Variants in ATP10B observed in about 807,000 individuals in gnomAD.
ATP10B encodes ATPase phospholipid transporting 10B (putative), also known as phospholipid-transporting ATPase VB.
ATP10B carries 122 observed loss-of-function variants against 141.2 expected under a neutral mutation model. The observed-to-expected ratio is 0.86, with a 90% confidence interval of 0.75 to 1.00. The LOEUF is 1.00. Among genes scored for constraint, ATP10B ranks in the 50% least tolerant of loss-of-function variants. The pLI is 0.00. For missense variants in ATP10B, 1,876 were observed against 1,825.3 expected, an observed-to-expected ratio of 1.03 and a Z score of -0.51; for synonymous variants, 685 against 692.0, an observed-to-expected ratio of 0.99 and a Z score of 0.16.
chr5:160,742,357 C>A (rs1034746188), intron 2 of ATP10B, among the ~76,000 whole-genome samples: 1 of 151,206 alleles, frequency 6.6e-6, no homozygotes, highest in Non-Finnish European at 1.5e-5. Context: ...ACAGAAGACA[C>A]AGGAGTCCAT....
chr5:160,665,708 C>A (rs1337486088), intron 7 of ATP10B, among the ~76,000 whole-genome samples: 1 of 152,132 alleles, frequency 6.6e-6, no homozygotes, highest in Non-Finnish European at 1.5e-5. Context: ...TGAGCTGGGA[C>A]AAAGTATGTC....
At chr5:160,663,012 G>T (rs1310086416) in intron 7 of ATP10B, among the ~76,000 whole-genome samples, 25 of 152,296 alleles carry the variant, frequency 1.6e-4, no homozygotes, top group South Asian at 1.5e-3. Flanking sequence ...AGAAGACATT[G>T]ATGCAGCCAA....
intron 1 of ATP10B, among the ~76,000 whole-genome samples, chr5:160,835,701 A>C (rs1424433783): frequency 6.6e-6 from 1 of 152,104 alleles, no homozygotes; most frequent in South Asian, 2.1e-4. Flanking sequence ...TATACTGTAC[A>C]TGTTTGTATA....
chr5:160,674,050 T>C (rs1762886395), intron 6 of ATP10B, among the ~76,000 whole-genome samples: 3 of 152,190 alleles, frequency 2.0e-5, no homozygotes, highest in Admixed American at 1.3e-4. Context: ...TACTGGATAA[T>C]GCCTTTGGGG....
chr5:160,832,184 A>G (rs973673540), intron 1 of ATP10B, among the ~76,000 whole-genome samples: 3 of 152,068 alleles, frequency 2.0e-5, no homozygotes, highest in Admixed American at 2.0e-4. Flanking sequence ...AAATAAGCCA[A>G]CACCTTCAAA....
At chr5:160,899,332 T>C in the ATP10B span, among the ~76,000 whole-genome samples, 1 of 152,102 alleles carries the variant, frequency 6.6e-6, no homozygotes, top group South Asian at 2.1e-4. Context: ...TTCTAATATT[T>C]ATTAAAAATA....
the ATP10B span, among the ~76,000 whole-genome samples, chr5:160,885,282 G>A: frequency 2.0e-5 from 3 of 152,230 alleles, no homozygotes; most frequent in Non-Finnish European, 4.4e-5. Flanking sequence ...CGGATGCAAG[G>A]AGCACACTGT....
At chr5:160,784,859 A>G (rs1027042154) in intron 2 of ATP10B, among the ~76,000 whole-genome samples, 1 of 152,032 alleles carries the variant, frequency 6.6e-6, no homozygotes, top group Admixed American at 6.6e-5. Context: ...TACAATCACT[A>G]TTCTTTCTTC....
chr5:160,796,733 A>G (rs921823387), intron 1 of ATP10B, among the ~76,000 whole-genome samples: 2 of 152,116 alleles, frequency 1.3e-5, no homozygotes, highest in African/African-American at 2.4e-5. Flanking sequence ...CGTCTTGTCT[A>G]TTATAGACTC....
chr5:160,671,158 C>CT (rs2127726280), intron 6 of ATP10B, among the ~76,000 whole-genome samples: 1 of 108,000 alleles, frequency 9.3e-6, no homozygotes, highest in East Asian at 2.9e-4. Flanking sequence ...AAGCAAGACT[C>CT]TGTCTCAAAA....
the ATP10B span, among the ~76,000 whole-genome samples, chr5:160,874,903 T>G: frequency 6.9e-6 from 1 of 144,458 alleles, no homozygotes; most frequent in Non-Finnish European, 1.5e-5. Context: ...CAAATCTACA[T>G]CTGATTGGTG....
At chr5:160,655,562 A>C (rs953222667) in intron 7 of ATP10B, among the ~76,000 whole-genome samples, 1 of 152,154 alleles carries the variant, frequency 6.6e-6, no homozygotes, top group Non-Finnish European at 1.5e-5. Context: ...GTATTTTGAA[A>C]GGTGATGGGT....
intron 1 of ATP10B, among the ~76,000 whole-genome samples, chr5:160,804,303 T>C (rs757342727): frequency 6.6e-6 from 1 of 152,216 alleles, no homozygotes; most frequent in Non-Finnish European, 1.5e-5. Flanking sequence ...CATATGTGTG[T>C]ATGTGATAAA....
At chr5:160,916,561 C>T in the ATP10B span, among the ~76,000 whole-genome samples, 1 of 152,198 alleles carries the variant, frequency 6.6e-6, no homozygotes, top group African/African-American at 2.4e-5. Context: ...TTGTCCTAAG[C>T]ATCGCACATG....
intron 7 of ATP10B, among the ~76,000 whole-genome samples, chr5:160,661,780 T>G (rs992469566): frequency 2.6e-5 from 4 of 152,084 alleles, no homozygotes; most frequent in East Asian, 3.9e-4. Flanking sequence ...TCAACATAGT[T>G]TTGGAAGTTC....
At chr5:160,645,299 G>C (rs1183792392) in intron 8 of ATP10B, among the ~76,000 whole-genome samples, 1 of 152,144 alleles carries the variant, frequency 6.6e-6, no homozygotes, top group African/African-American at 2.4e-5. Flanking sequence ...TCAGCTTCTG[G>C]GGACCTGAAC....
At chr5:160,720,660 TTTC>T (rs1243535841) in intron 2 of ATP10B, among the ~76,000 whole-genome samples, 3 of 152,246 alleles carry the variant, frequency 2.0e-5, no homozygotes, top group Admixed American at 1.3e-4. Flanking sequence ...GATTCTTCTT[TTTC>T]TTCTTTTCTG....
intron 2 of ATP10B, among the ~76,000 whole-genome samples, chr5:160,721,024 A>C (rs1765960917): frequency 6.6e-6 from 1 of 152,150 alleles, no homozygotes; most frequent in Non-Finnish European, 1.5e-5. Flanking sequence ...GTTGTCATGA[A>C]GTATGTGCAT....
At chr5:160,730,290 A>C (rs1766648655) in intron 2 of ATP10B, among the ~76,000 whole-genome samples, 1 of 152,146 alleles carries the variant, frequency 6.6e-6, no homozygotes, top group African/African-American at 2.4e-5. Flanking sequence ...ATGAGATTCA[A>C]GTCTGTGTTC....
Sources: gnomAD v4.1 joint callset for allele counts (sites outside exome capture counted in the v4.1 genomes callset) on GRCh38, gnomAD v4.1.1 for gene constraint, MANE v1.5 for transcripts, NCBI Gene and HGNC (gene_info 2026-07-23, HGNC 2026-07-21) for gene names.